The following NAV3 variants were observed in gnomAD, a reference collection of about 807,000 sequenced individuals.
The protein encoded by NAV3 is pore membrane and/or filament interacting like protein 1.
A neutral mutation model predicts 244.7 loss-of-function variants in NAV3; 87 were observed. The ratio of observed to expected loss-of-function variants is 0.36; its 90% CI spans 0.30 to 0.42. NAV3 has a LOEUF of 0.42. NAV3 is among the 20% of genes least tolerant of loss of function. The probability of loss-of-function intolerance (pLI) is 1.00; values close to 1 mark genes in which losing one functional copy is unlikely to be tolerated. For missense variants in NAV3, 2,663 were observed against 2,893.3 expected, an observed-to-expected ratio of 0.92 and a Z score of 1.83; for synonymous variants, 1,126 against 1,042.2, an observed-to-expected ratio of 1.08 and a Z score of -1.55.
intron 2 of NAV3, among the ~76,000 whole-genome samples, chr12:77,656,051 A>G (rs887284245): frequency 1.3e-5 from 2 of 151,446 alleles, no homozygotes; most frequent in African/African-American, 2.4e-5. Flanking sequence ...TGCATCAACT[A>G]ACGAGCAGAA....
chr12:77,877,895 A>G (rs1052511582), intron 1 of NAV3, among the ~76,000 whole-genome samples: 2 of 152,122 alleles, frequency 1.3e-5, no homozygotes, highest in Non-Finnish European at 2.9e-5. Flanking sequence ...CATCATTTGG[A>G]TAGTATTTAC....
intron 5 of NAV3, among the ~76,000 whole-genome samples, chr12:77,980,828 A>G (rs1271537163): frequency 1.3e-5 from 2 of 152,162 alleles, no homozygotes; most frequent in African/African-American, 4.8e-5. Context: ...CATTTCCTGA[A>G]TTCTCCTTTA....
At chr12:77,835,158 T>G (rs1874408785) in intron 1 of NAV3, among the ~76,000 whole-genome samples, 1 of 152,134 alleles carries the variant, frequency 6.6e-6, no homozygotes, top group African/African-American at 2.4e-5. Context: ...AGTAGATAAT[T>G]GCACTCCACT....
chr12:78,210,266 A>G, intron 39 of NAV3, 132 bp from the exon 40 acceptor site: 1 of 1,404,152 alleles, frequency 7.1e-7, no homozygotes, highest in South Asian at 1.4e-5. Flanking sequence ...ACGAGTAAAA[A>G]TCTAAAATTA....
intron 2 of NAV3, among the ~76,000 whole-genome samples, chr12:77,788,283 A>G (rs540172943): frequency 3.3e-4 from 51 of 152,306 alleles, no homozygotes; most frequent in Middle Eastern, 3.4e-3. Context: ...TTTATAGTAA[A>G]ATTAGAGATC....
At chr12:77,983,478 A>G (rs867866566) in intron 5 of NAV3, among the ~76,000 whole-genome samples, 1 of 152,148 alleles carries the variant, frequency 6.6e-6, no homozygotes, top group South Asian at 2.1e-4. Flanking sequence ...AGGCAGAGAG[A>G]AAAAAAGTTT....
At chr12:77,634,774 T>A (rs879723825) in intron 2 of NAV3, among the ~76,000 whole-genome samples, 54 of 152,248 alleles carry the variant, frequency 3.5e-4, no homozygotes, top group East Asian at 1.2e-3. Flanking sequence ...AGTAATTTTT[T>A]AAAAATGTAT....
intron 1 of NAV3, among the ~76,000 whole-genome samples, chr12:77,871,370 T>G (rs1379562800): frequency 6.6e-6 from 1 of 152,160 alleles, no homozygotes; most frequent in Non-Finnish European, 1.5e-5. Flanking sequence ...ACACGTGCCA[T>G]AATTATTTGC....
At chr12:77,603,945 T>C (rs559441709) in intron 2 of NAV3, among the ~76,000 whole-genome samples, 110 of 151,932 alleles carry the variant, frequency 7.2e-4, no homozygotes, top group African/African-American at 2.6e-3. Flanking sequence ...AAGTAAAGAG[T>C]CTGTATTGGA....
At chr12:77,756,707 T>G (rs1869199429) in intron 2 of NAV3, among the ~76,000 whole-genome samples, 1 of 152,244 alleles carries the variant, frequency 6.6e-6, no homozygotes, top group Non-Finnish European at 1.5e-5. Context: ...TTTTCTTATT[T>G]GAAAGTAAAT....
intron 16 of NAV3, among the ~76,000 whole-genome samples, chr12:78,125,582 G>C (rs1393028444): frequency 1.3e-5 from 2 of 152,104 alleles, no homozygotes; most frequent in Non-Finnish European, 2.9e-5. Flanking sequence ...ACGCTGCCTT[G>C]ACATTTCTGC....
intron 8 of NAV3, among the ~76,000 whole-genome samples, chr12:78,018,173 G>C (rs1362803855): frequency 5.9e-5 from 9 of 152,148 alleles, no homozygotes; most frequent in Admixed American, 5.2e-4. Flanking sequence ...GTAAATAAGA[G>C]TCTCTTGTGA....
chr12:78,054,358 G>A (rs1335131494), intron 11 of NAV3, among the ~76,000 whole-genome samples: 2 of 152,126 alleles, frequency 1.3e-5, no homozygotes, highest in Non-Finnish European at 2.9e-5. Context: ...TAAAGATAAT[G>A]TCTTAGAGAT....
intron 21 of NAV3, among the ~76,000 whole-genome samples, chr12:78,147,176 G>T (rs1956896124): frequency 6.6e-6 from 1 of 151,968 alleles, no homozygotes; most frequent in African/African-American, 2.4e-5. Context: ...AAAAATATTT[G>T]AAAATTATTG....
chr12:77,747,555 A>G (rs1436683651), intron 2 of NAV3, among the ~76,000 whole-genome samples: 1 of 152,208 alleles, frequency 6.6e-6, no homozygotes, highest in African/African-American at 2.4e-5. Context: ...AGGACTATAA[A>G]TCATGCTGCT....
chr12:78,148,813 A>G (rs756750702), intron 21 of NAV3, 29 bp from the exon 22 acceptor site: 1 of 1,574,098 alleles, frequency 6.4e-7, no homozygotes. Flanking sequence ...CTACTTGCCT[A>G]TTCCATTGAT....
At chr12:77,832,819 A>C (rs1873952669) in intron 1 of NAV3, among the ~76,000 whole-genome samples, 1 of 151,974 alleles carries the variant, frequency 6.6e-6, no homozygotes, top group South Asian at 2.1e-4. Context: ...CCATCATTCT[A>C]CTCAGCATCA....
chr12:77,592,411 T>C (rs1265378212), intron 2 of NAV3, among the ~76,000 whole-genome samples: 2 of 152,196 alleles, frequency 1.3e-5, no homozygotes, highest in African/African-American at 4.8e-5. Flanking sequence ...GAATGGTCAT[T>C]CTTTGGTTTC....
intron 1 of NAV3, among the ~76,000 whole-genome samples, chr12:77,898,514 G>T (rs1731746): frequency 0.11 from 16,818 of 152,154 alleles, 1,073 homozygotes; most frequent in South Asian, 0.2. Context: ...AAAAGTGTTC[G>T]TATTCATTCA....
Sources: allele counts gnomAD v4.1 joint callset (sites outside exome capture counted in the v4.1 genomes callset), GRCh38; gene constraint gnomAD v4.1.1; transcripts MANE v1.5; gene names NCBI Gene and HGNC (gene_info 2026-07-23, HGNC 2026-07-21).